The following PTPN2 variants were observed in gnomAD, a reference collection of about 807,000 sequenced individuals.
The protein encoded by PTPN2 is protein tyrosine phosphatase non-receptor type 2.
Under a neutral mutation model 57.3 loss-of-function variants are expected in PTPN2, and 19 were observed. That is an observed-to-expected ratio of 0.33 (90% confidence interval 0.23 to 0.49). The LOEUF (loss-of-function observed/expected upper bound fraction) is 0.49, where lower values mean the gene tolerates loss of function less well. Ranked by LOEUF, PTPN2 falls within the 20% of genes least tolerant of loss-of-function variation. The pLI is 0.99. For synonymous variants in PTPN2, 153 were observed against 164.9 expected (o/e 0.93, Z 0.55); for missense variants, 358 against 501.1 (o/e 0.71, Z 2.73).
intron 2 of PTPN2, 37 bp from the exon 3 acceptor site, chr18:12,836,928 CA>C: frequency 1.6e-6 from 2 of 1,267,056 alleles, no homozygotes; most frequent in Middle Eastern, 2.1e-4. Context: ...ACTGTCATTT[CA>C]AAATTACTGT....
chr18:12,883,895 A>C, intron 1 of PTPN2, 178 bp downstream of exon 1: 6 of 481,564 alleles, frequency 1.2e-5, no homozygotes, highest in Admixed American at 3.9e-5. Context: ...TTTTTAAACC[A>C]AAAGGAGCAA....
chr18:12,836,719 T>C, intron 3 of PTPN2, 72 bp downstream of exon 3: 1 of 947,034 alleles, frequency 1.1e-6, no homozygotes, highest in Non-Finnish European at 1.6e-6. Context: ...GATATACTTT[T>C]ACCTATGATT....
intron 2 of PTPN2, among the ~76,000 whole-genome samples, chr18:12,846,117 G>A (rs1211382995): frequency 6.6e-6 from 1 of 152,186 alleles, no homozygotes; most frequent in Non-Finnish European, 1.5e-5. Flanking sequence ...GTTCATCTCA[G>A]AAAGATGCTA....
rs115213088 is a variant in PTPN2 at position 12,826,087 on chromosome 18, C to T, written c.361-143G>A. On this transcript the variant is annotated intron_variant, in intron 4 of 8. Coordinates refer to ENST00000309660, the MANE Select transcript of PTPN2 (RefSeq NM_002828.4). ...ACTAAGAAGTCACTACTATATTCTA[C>T]GCTTAATGTATTTTAGTAAGATTGA... 2,335 of 627,454 alleles carry T rather than the reference C, an allele frequency of 3.7e-3. 50 individuals are homozygous for T. In the African/African-American group the frequency reaches 0.038, roughly 10 times the overall value. The allele number at this position is 627,454 out of a possible 1,614,324, so 38.9% of individuals were successfully genotyped here.
At chr18:12,880,934 T>C (rs1233277776) in intron 1 of PTPN2, among the ~76,000 whole-genome samples, 3 of 152,184 alleles carry the variant, frequency 2.0e-5, no homozygotes, top group African/African-American at 4.8e-5. Context: ...TCAAACAGAA[T>C]TAAAGTTTCA....
intron 5 of PTPN2, among the ~76,000 whole-genome samples, chr18:12,824,792 A>G (rs1365142593): frequency 6.6e-6 from 1 of 152,166 alleles, no homozygotes; most frequent in East Asian, 1.9e-4. Context: ...TGGGGAAGAA[A>G]AATGCAAGTA....
chr18:12,863,259 C>T (rs1276474673), intron 1 of PTPN2: 1 of 152,144 alleles, frequency 6.6e-6, no homozygotes, highest in African/African-American at 2.4e-5. Flanking sequence ...GAGTTTGAGA[C>T]CAGCCTGGGC....
intron 4 of PTPN2, among the ~76,000 whole-genome samples, chr18:12,827,259 C>T (rs887300232): frequency 4.0e-5 from 6 of 150,808 alleles, no homozygotes; most frequent in Non-Finnish European, 5.9e-5. Context: ...AGAAGAATGG[C>T]GTGAACCTGG....
intron 8 of PTPN2, among the ~76,000 whole-genome samples, chr18:12,799,011 C>A (rs553654829): frequency 6.6e-6 from 1 of 152,100 alleles, no homozygotes; most frequent in African/African-American, 2.4e-5. Flanking sequence ...ATAAACTTCA[C>A]GACTATGTGA....
chr18:12,844,292 A>G (rs1290261927), intron 2 of PTPN2, among the ~76,000 whole-genome samples: 1 of 152,222 alleles, frequency 6.6e-6, no homozygotes, highest in Non-Finnish European at 1.5e-5. Flanking sequence ...CTCTGGGATA[A>G]ATGCCCAGGA....
chr18:12,794,822 C>G (rs144323349), intron 8 of PTPN2, among the ~76,000 whole-genome samples: 86 of 152,218 alleles, frequency 5.6e-4, no homozygotes, highest in African/African-American at 1.9e-3. Context: ...AGGGTTTTGC[C>G]ATGTTGGCCA....
intron 4 of PTPN2, among the ~76,000 whole-genome samples, chr18:12,828,555 A>G (rs944740995): frequency 2.6e-5 from 4 of 152,236 alleles, no homozygotes; most frequent in East Asian, 1.9e-4. Context: ...TACATCTCTC[A>G]TATCTTTGAG....
At chr18:12,871,155 GTTC>G (rs1460814346) in intron 1 of PTPN2, among the ~76,000 whole-genome samples, 30 of 152,210 alleles carry the variant, frequency 2.0e-4, no homozygotes, top group African/African-American at 6.0e-4. Context: ...TAGATAATGA[GTTC>G]TTTTTAACAA....
At chr18:12,840,826 C>G in intron 2 of PTPN2, 1 of 1,597,614 alleles carries the variant, frequency 6.3e-7, no homozygotes. Context: ...CGTTGCTCTC[C>G]ACTCAGGTGT....
In PTPN2 at chr18:12,794,208, G is replaced by T; in HGVS notation, c.*70C>A. The T allele has an allele frequency of 6.3e-7, 1 of 1,595,322 alleles. No individual in the cohort carries two copies. The highest frequency in any genetic ancestry group is 1.1e-5 in the South Asian group (1 of 87,904). ...TTTGGGATATGAGGCGTTTGCTGCA[G>T]ACAAACCCCTATGATTAATGTAGCA... On this transcript the variant is annotated 3_prime_UTR_variant, in exon 9 of 9. Transcript: ENST00000309660.
chr18:12,801,194 A>G (rs1352271447), intron 8 of PTPN2, among the ~76,000 whole-genome samples: 1 of 152,228 alleles, frequency 6.6e-6, no homozygotes, highest in East Asian at 1.9e-4. Flanking sequence ...TCATATACTA[A>G]ATACCCTCAG....
chr18:12,855,345 A>C (rs932919459), intron 2 of PTPN2, among the ~76,000 whole-genome samples: 7 of 152,264 alleles, frequency 4.6e-5, no homozygotes, highest in African/African-American at 1.7e-4. Context: ...TTTATACAAA[A>C]GAGAAGAAGT....
chr18:12,874,068 G>A (rs2044377240), intron 1 of PTPN2, among the ~76,000 whole-genome samples: 1 of 151,826 alleles, frequency 6.6e-6, no homozygotes, highest in Non-Finnish European at 1.5e-5. Flanking sequence ...CCCCGTCTGA[G>A]AAGTGAGGAG....
intron 7 of PTPN2, among the ~76,000 whole-genome samples, chr18:12,808,943 G>A (rs999949801): frequency 3.0e-4 from 45 of 152,310 alleles, no homozygotes; most frequent in Non-Finnish European, 4.7e-4. Flanking sequence ...CACCACAGTG[G>A]TGCTTGAATG....
Sources: allele counts gnomAD v4.1 joint callset (sites outside exome capture counted in the v4.1 genomes callset), GRCh38; gene constraint gnomAD v4.1.1; transcripts MANE v1.5; gene names NCBI Gene and HGNC (gene_info 2026-07-23, HGNC 2026-07-21).